EDA: variants seen among roughly 807,000 people sequenced by gnomAD.
EDA encodes the protein ectodysplasin A, also known as ectodysplasin-A.
Under a neutral mutation model 23.6 loss-of-function variants are expected in EDA, and 2 were observed. The ratio of observed to expected loss-of-function variants is 0.08; its 90% CI spans 0.03 to 0.27. The LOEUF (loss-of-function observed/expected upper bound fraction) is 0.27, where lower values mean the gene tolerates loss of function less well. Among genes scored for constraint, EDA ranks in the 10% least tolerant of loss-of-function variants. EDA has a pLI of 1.00. For missense variants in EDA, 229 were observed against 324.2 expected (o/e 0.71, Z 2.26); for synonymous variants, 131 against 132.0 (o/e 0.99, Z 0.05).
intron 1 of EDA, among the ~76,000 whole-genome samples, chrX:69,654,713 T>C (rs1484285447): frequency 2.0e-5 from 2 of 100,440 alleles, no homozygotes; most frequent in African/African-American, 3.7e-5. Context: ...AACCAAACAC[T>C]GCATGTTCTC....
chrX:69,703,392 G>A (rs894360213), intron 1 of EDA, among the ~76,000 whole-genome samples: 11 of 111,972 alleles, frequency 9.8e-5, no homozygotes, highest in Non-Finnish European at 1.5e-4. Flanking sequence ...GGGTGGAGGC[G>A]TAGGTCCACA....
intron 2 of EDA, among the ~76,000 whole-genome samples, chrX:70,020,558 C>CAAAA (rs555853182): frequency 1.3e-5 from 1 of 75,999 alleles, no homozygotes; most frequent in Non-Finnish European, 2.4e-5. Flanking sequence ...GACTCCGTCT[C>CAAAA]AAAAAAAAAA....
chrX:69,851,167 G>GTGTGTGTT (rs2017120181), intron 1 of EDA, among the ~76,000 whole-genome samples: 1 of 108,577 alleles, frequency 9.2e-6, no homozygotes, highest in Non-Finnish European at 1.9e-5. Context: ...TTGTGTGTGT[G>GTGTGTGTT]TGTGTGTGTG....
intron 1 of EDA, among the ~76,000 whole-genome samples, chrX:69,623,087 G>A (rs1412009389): frequency 9.0e-6 from 1 of 111,667 alleles, no homozygotes; most frequent in Non-Finnish European, 1.9e-5. Context: ...CTTAATTACT[G>A]GACTTTATTA....
intron 1 of EDA, among the ~76,000 whole-genome samples, chrX:69,704,639 T>C (rs1392868976): frequency 3.6e-5 from 4 of 110,396 alleles, no homozygotes; most frequent in African/African-American, 1.3e-4. Flanking sequence ...ATCTACTGGG[T>C]GTCTTGGAAT....
intron 1 of EDA, among the ~76,000 whole-genome samples, chrX:69,739,664 T>G (rs2013385626): frequency 9.0e-6 from 1 of 111,206 alleles, no homozygotes; most frequent in Admixed American, 9.6e-5. Context: ...ACTTTCACAG[T>G]GGTTGCTGTA....
intron 1 of EDA, among the ~76,000 whole-genome samples, chrX:69,739,584 A>G (rs2013382601): frequency 9.0e-6 from 1 of 110,799 alleles, no homozygotes; most frequent in Non-Finnish European, 1.9e-5. Context: ...TTTCTTTTGA[A>G]TTAAATGAAT....
chrX:69,949,177 C>A (rs1325156074), intron 1 of EDA, among the ~76,000 whole-genome samples: 2 of 111,931 alleles, frequency 1.8e-5, no homozygotes, highest in Non-Finnish European at 3.8e-5. Context: ...GCTGATTTTA[C>A]AGAGCCTGGT....
intron 1 of EDA, among the ~76,000 whole-genome samples, chrX:69,726,522 G>T (rs1202727215): frequency 8.9e-6 from 1 of 112,539 alleles, no homozygotes; most frequent in Non-Finnish European, 1.9e-5. Context: ...ATCATCCAGT[G>T]CTCCTCTAAC....
At chrX:69,664,047 T>A (rs1208365335) in intron 1 of EDA, among the ~76,000 whole-genome samples, 1 of 112,228 alleles carries the variant, frequency 8.9e-6, no homozygotes, top group East Asian at 2.8e-4. Flanking sequence ...AAAAGGGACT[T>A]GCCTTGTGTC....
intron 1 of EDA, among the ~76,000 whole-genome samples, chrX:69,905,468 A>C (rs1313635484): frequency 7.2e-5 from 8 of 110,841 alleles, no homozygotes; most frequent in Non-Finnish European, 1.5e-4. Context: ...GAAACTTCCA[A>C]ATGAATCTCC....
intron 1 of EDA, among the ~76,000 whole-genome samples, chrX:69,684,637 A>G (rs746128616): frequency 8.9e-6 from 1 of 112,338 alleles, no homozygotes; most frequent in African/African-American, 3.2e-5. Flanking sequence ...TTTCTGTTCA[A>G]GCCTCTCTAA....
At chrX:69,821,536 A>G (rs1556011180) in intron 1 of EDA, among the ~76,000 whole-genome samples, 1 of 112,486 alleles carries the variant, frequency 8.9e-6, no homozygotes, top group East Asian at 2.8e-4. Flanking sequence ...TCTCACTAAT[A>G]ATAATTTAAA....
At chrX:69,874,991 C>G (rs1382648446) in intron 1 of EDA, among the ~76,000 whole-genome samples, 5 of 112,010 alleles carry the variant, frequency 4.5e-5, no homozygotes, top group African/African-American at 1.6e-4. Context: ...ATAAATGGCA[C>G]AAACAAATGG....
intron 1 of EDA, among the ~76,000 whole-genome samples, chrX:69,866,132 GA>G (rs1343535112): frequency 1.8e-5 from 2 of 111,381 alleles, no homozygotes; most frequent in East Asian, 2.8e-4. Flanking sequence ...CTGGTGGAGT[GA>G]CTCAAACCTT....
chrX:69,924,512 T>C (rs972456186), intron 1 of EDA, among the ~76,000 whole-genome samples: 7 of 111,789 alleles, frequency 6.3e-5, no homozygotes, highest in Non-Finnish European at 3.8e-5. Context: ...TCTATATGTC[T>C]GTTTTGGTAC....
At chrX:69,762,608 T>C (rs1216073558) in intron 1 of EDA, among the ~76,000 whole-genome samples, 1 of 111,878 alleles carries the variant, frequency 8.9e-6, no homozygotes, top group Non-Finnish European at 1.9e-5. Context: ...TCAGCCCATG[T>C]CCAAATAGAA....
At chrX:69,738,404 G>A (rs1305919768) in intron 1 of EDA, among the ~76,000 whole-genome samples, 1 of 108,704 alleles carries the variant, frequency 9.2e-6, no homozygotes, top group East Asian at 2.9e-4. Flanking sequence ...GTTTTGTTTG[G>A]TGAGTCTAGC....
At chrX:69,991,122 A>C (rs1304425974) in intron 2 of EDA, among the ~76,000 whole-genome samples, 1 of 111,364 alleles carries the variant, frequency 9.0e-6, no homozygotes, top group Non-Finnish European at 1.9e-5. Context: ...TTTGATGTCT[A>C]TTTTAAAACT....
Sources: gnomAD v4.1 joint callset for allele counts (sites outside exome capture counted in the v4.1 genomes callset) on GRCh38, gnomAD v4.1.1 for gene constraint, MANE v1.5 for transcripts, NCBI Gene and HGNC (gene_info 2026-07-23, HGNC 2026-07-21) for gene names.